Variants in B3GNT3 observed in about 807,000 individuals in gnomAD.
B3GNT3 encodes the protein N-acetyllactosaminide beta-1,3-N-acetylglucosaminyltransferase 3.
In B3GNT3, 7 loss-of-function variants were observed where a neutral mutation model predicts 11.6. The ratio of observed to expected loss-of-function variants is 0.60; its 90% CI spans 0.34 to 1.13. B3GNT3 has a LOEUF of 1.13. Among genes scored for constraint, B3GNT3 ranks in the 50% most tolerant of loss-of-function variants. The pLI, the probability that B3GNT3 is intolerant of heterozygous loss-of-function variation, is 0.03. For missense variants in B3GNT3, 400 were observed against 507.4 expected, an observed-to-expected ratio of 0.79 and a Z score of 2.03; for synonymous variants, 201 against 222.1, an observed-to-expected ratio of 0.90 and a Z score of 0.85.
intron 1 of B3GNT3, among the ~76,000 whole-genome samples, chr19:17,803,045 G>T (rs1222025200): frequency 6.7e-6 from 1 of 149,910 alleles, no homozygotes; most frequent in Non-Finnish European, 1.5e-5. Context: ...TGGCTATATT[G>T]CCCAGGCTGG....
chr19:17,796,396 A>AT (rs1321723376), intron 1 of B3GNT3, among the ~76,000 whole-genome samples: 2 of 151,816 alleles, frequency 1.3e-5, no homozygotes, highest in Admixed American at 1.3e-4. Context: ...CCCAGCTCTG[A>AT]TTTTTTTAAA....
At chr19:17,796,543 TCCTC>T (rs1478070441) in intron 1 of B3GNT3, among the ~76,000 whole-genome samples, 1 of 152,158 alleles carries the variant, frequency 6.6e-6, no homozygotes. Flanking sequence ...GGCCATCACT[TCCTC>T]CCACTGGCCT....
chr19:17,810,897 T>A (rs886738604), intron 2 of B3GNT3, among the ~76,000 whole-genome samples: 16 of 149,068 alleles, frequency 1.1e-4, no homozygotes, highest in Admixed American at 6.8e-5. Flanking sequence ...AAAATAATAA[T>A]AATAATAATA....
At position 17,807,761 on chromosome 19, in the gene B3GNT3, C is replaced by T. The variant is rs780370674; in HGVS notation, c.-47C>T. On this transcript the variant is annotated 5_prime_UTR_variant, in exon 2 of 3. Coordinates refer to ENST00000318683, the MANE Select transcript of B3GNT3 (RefSeq NM_014256.4). ...CAGTGAGTTTTGTTTTCCACAGGAG[C>T]CGCCCAGGAGGCTCCTCAGGCCGAC... 4 of 1,536,486 alleles carry T rather than the reference C, an allele frequency of 2.6e-6. No individual in the cohort carries two copies. In the African/African-American group the frequency reaches 5.5e-5, roughly 21 times the overall value.
intron 1 of B3GNT3, among the ~76,000 whole-genome samples, chr19:17,800,597 T>A (rs367759820): frequency 2.0e-5 from 3 of 152,194 alleles, no homozygotes; most frequent in Non-Finnish European, 2.9e-5. Context: ...GTATCACCTG[T>A]GCATTGAAGC....
chr19:17,802,262 A>T (rs754011004), intron 1 of B3GNT3, among the ~76,000 whole-genome samples: 1 of 152,078 alleles, frequency 6.6e-6, no homozygotes, highest in Non-Finnish European at 1.5e-5. Flanking sequence ...CCCAAGCTAT[A>T]AATCTGTCTT....
chr19:17,802,562 C>T (rs2147648106), intron 1 of B3GNT3, among the ~76,000 whole-genome samples: 1 of 152,118 alleles, frequency 6.6e-6, no homozygotes, highest in South Asian at 2.1e-4. Context: ...GAGGTCGAAG[C>T]CTCTCGGAGG....
intron 1 of B3GNT3, among the ~76,000 whole-genome samples, chr19:17,800,145 C>T (rs897740138): frequency 2.6e-5 from 4 of 151,786 alleles, no homozygotes; most frequent in Admixed American, 6.6e-5. Flanking sequence ...GAGGCCGAGG[C>T]GGGCAGATCA....
chr19:17,810,342 G>A (rs1294243166), intron 2 of B3GNT3, among the ~76,000 whole-genome samples: 1 of 151,890 alleles, frequency 6.6e-6, no homozygotes, highest in Non-Finnish European at 1.5e-5. Flanking sequence ...CCCTGGAGGC[G>A]GAGGTTGGAG....
rs763164172 is a variant in B3GNT3 at position 17,811,790 on chromosome 19, C to A, written c.787C>A (p.Arg263=). ...YVPEVVTQNE[R]YPPYCGGGGF... is the part of the protein sequence containing the mutation. Reference sequence around the variant, plus strand: ...GCCAGAGGTGGTGACTCAGAATGAGCGGTACCCACCCTATTGTGGGGGTGG... The same window carrying A: ...GCCAGAGGTGGTGACTCAGAATGAGAGGTACCCACCCTATTGTGGGGGTGG... The change falls in exon 3 of 3, where the codon CGG becomes AGG. Residue 263 remains arginine (R), a synonymous_variant. Transcript: ENST00000318683. The surrounding 1 kb of genome is among the most constrained non-coding windows in gnomAD (Gnocchi z 4.1). 1.8e-5 allele frequency: 29 copies of A among 1,614,220 alleles called. No homozygotes were observed. In the South Asian group the frequency reaches 2.7e-4, roughly 15 times the overall value.
At chr19:17,809,920 T>C (rs2094178432) in intron 2 of B3GNT3, among the ~76,000 whole-genome samples, 1 of 152,088 alleles carries the variant, frequency 6.6e-6, no homozygotes, top group South Asian at 2.1e-4. Context: ...TTCCTGCTCA[T>C]AGGAGGTACA....
chr19:17,803,122 C>T (rs990121106), intron 1 of B3GNT3, among the ~76,000 whole-genome samples: 39 of 152,230 alleles, frequency 2.6e-4, no homozygotes, highest in Admixed American at 6.5e-4. Context: ...TCTCCTGCCT[C>T]AGCCTCCTGA....
rs1273897138 is a variant in B3GNT3, at chr19:17,808,031, C to T, written c.224C>T (p.Thr75Met). 16 of 1,612,994 alleles carry T rather than the reference C, an allele frequency of 9.9e-6. No individual in the cohort carries two copies. Among genetic ancestry groups the T allele is most frequent in the African/African-American group, 1.3e-5 (1 of 74,666 alleles). The change falls in exon 2 of 3, where the codon ACG (threonine) becomes ATG (methionine). Residue 75 changes from threonine to methionine, a missense_variant. Thr to Met is a moderately conservative substitution (Grantham distance 81). Coordinates refer to ENST00000318683, the MANE Select transcript of B3GNT3 (RefSeq NM_014256.4). ...ATGGTCACCCACCCGGACTTCGCCACGCAGCCGCAGCACGTTCAGAACTTC... is the reference window on the plus strand; with the variant it reads ...ATGGTCACCCACCCGGACTTCGCCATGCAGCCGCAGCACGTTCAGAACTTC... ...TSMVTHPDFATQPQHVQNFLL... is the reference protein window; with the variant it reads ...TSMVTHPDFAMQPQHVQNFLL...
In B3GNT3 at chr19:17,813,379, G is replaced by GAGTT. The variant is rs1280690983; in HGVS notation, c.*1258_*1261dup. ...AGGCGAGAGGATCGCTTGAGCCCAG[G>GAGTT]AGTTGGAGGCTGCAGTGAACCATGA... On this transcript the variant is annotated 3_prime_UTR_variant, in exon 3 of 3. Coordinates refer to ENST00000318683, the MANE Select transcript of B3GNT3 (RefSeq NM_014256.4). Among the ~76,000 whole-genome samples, 1 of 152,084 alleles carries GAGTT rather than the reference G, an allele frequency of 6.6e-6. No individual in the cohort carries two copies. The highest frequency in any genetic ancestry group is 1.5e-5 in the Non-Finnish European group (1 of 68,022).
chr19:17,810,057 T>G (rs912624045), intron 2 of B3GNT3, among the ~76,000 whole-genome samples: 3 of 152,030 alleles, frequency 2.0e-5, no homozygotes, highest in African/African-American at 7.3e-5. Flanking sequence ...CTCCTAAGGG[T>G]GCATTCAGGA....
Position 17,811,884 on chromosome 19 carries a change from C to G in B3GNT3, c.881C>G (p.Pro294Arg). 1.2e-6 allele frequency: 2 copies of G among 1,614,124 alleles called. No homozygotes were observed. The highest frequency in any genetic ancestry group is 1.7e-6 in the Non-Finnish European group (2 of 1,180,048). Residue 294 changes from proline (P) to arginine (R), a missense_variant, in exon 3 of 3, where the codon CCC (proline) becomes CGC (arginine). Pro to Arg is a moderately radical substitution (Grantham distance 103). Coordinates refer to ENST00000318683, the MANE Select transcript of B3GNT3 (RefSeq NM_014256.4). This position sits in a 1 kb window ranked among gnomAD's most constrained non-coding sequence, Gnocchi z 4.1. Reference sequence around the variant, plus strand: ...GCTGCCCATGTCTTGGACATCTTCCCCATTGATGATGTCTTCCTGGGTATG... The same window carrying G: ...GCTGCCCATGTCTTGGACATCTTCCGCATTGATGATGTCTTCCTGGGTATG... ...RRAAHVLDIF[P>R]IDDVFLGMCL...
intron 2 of B3GNT3, among the ~76,000 whole-genome samples, chr19:17,810,165 G>A (rs1183975142): frequency 2.6e-5 from 4 of 152,066 alleles, no homozygotes; most frequent in Non-Finnish European, 5.9e-5. Flanking sequence ...AGGCGGGTAG[G>A]GGCCATGGCC....
At chr19:17,805,106 ATTT>A (rs60752281) in intron 1 of B3GNT3, among the ~76,000 whole-genome samples, 2 of 132,036 alleles carry the variant, frequency 1.5e-5, no homozygotes, top group African/African-American at 2.8e-5. Context: ...GACCACAGGG[ATTT>A]TTTTTTTTTT....
chr19:17,800,983 G>GTATA (rs59881455), intron 1 of B3GNT3, among the ~76,000 whole-genome samples: 2 of 150,382 alleles, frequency 1.3e-5, no homozygotes, highest in African/African-American at 4.9e-5. Flanking sequence ...ATATATATAT[G>GTATA]TATATATATA....
Sources: gnomAD v4.1 joint callset for allele counts (sites outside exome capture counted in the v4.1 genomes callset) on GRCh38, gnomAD v4.1.1 for gene constraint, Gnocchi (gnomAD v3.1) non-coding constraint, MANE v1.5 for transcripts, NCBI Gene and HGNC (gene_info 2026-07-23, HGNC 2026-07-21) for gene names.